TNNI3K: variants seen among roughly 807,000 people sequenced by gnomAD.
The protein encoded by TNNI3K is TNNI3 interacting kinase, also known as serine/threonine-protein kinase TNNI3K.
In TNNI3K, 140 loss-of-function variants were observed where a neutral mutation model predicts 114.5. That is an observed-to-expected ratio of 1.22 (90% CI 1.07 to 1.41). The LOEUF is 1.41. TNNI3K is among the 40% of genes most tolerant of loss of function. TNNI3K has a pLI of 0.00. For missense variants in TNNI3K, 1,125 were observed against 1,007.6 expected (o/e 1.12, Z -1.58); for synonymous variants, 347 against 347.5 (o/e 1.00, Z 0.02).
intron 2 of TNNI3K, among the ~76,000 whole-genome samples, chr1:74,248,492 C>T (rs543339273): frequency 1.9e-4 from 29 of 152,314 alleles, no homozygotes; most frequent in Admixed American, 8.5e-4. Flanking sequence ...TAAGATTAAG[C>T]GCTTACTACA....
intron 23 of TNNI3K, among the ~76,000 whole-genome samples, chr1:74,512,236 A>G (rs1670265164): frequency 6.6e-6 from 1 of 152,200 alleles, no homozygotes; most frequent in African/African-American, 2.4e-5. Flanking sequence ...AGACTCAAAC[A>G]TGGAGCTAGG....
chr1:74,366,384 AT>A (rs573370636), intron 11 of TNNI3K, among the ~76,000 whole-genome samples: 1 of 151,980 alleles, frequency 6.6e-6, no homozygotes, highest in East Asian at 1.9e-4. Flanking sequence ...ATCATTTGGC[AT>A]TTTTTATCCT....
chr1:74,538,144 T>C (rs545538396), intron 23 of TNNI3K, among the ~76,000 whole-genome samples: 20 of 152,226 alleles, frequency 1.3e-4, no homozygotes, highest in African/African-American at 4.6e-4. Flanking sequence ...GCCATAGTCA[T>C]AGAGAAAAGA....
intron 24 of TNNI3K, among the ~76,000 whole-genome samples, chr1:74,541,897 C>A (rs1257235950): frequency 6.6e-6 from 1 of 152,164 alleles, no homozygotes; most frequent in East Asian, 1.9e-4. Flanking sequence ...CGCAATATAA[C>A]AACAATTTTA....
intron 21 of TNNI3K, chr1:74,471,609 C>T (rs1667935559): frequency 5.0e-6 from 2 of 400,562 alleles, no homozygotes; most frequent in African/African-American, 4.1e-5. Flanking sequence ...CCAACTTAGT[C>T]AGTTGGTTAC....
intron 5 of TNNI3K, among the ~76,000 whole-genome samples, chr1:74,319,576 C>G (rs1222862854): frequency 6.6e-6 from 1 of 152,156 alleles, no homozygotes; most frequent in African/African-American, 2.4e-5. Flanking sequence ...GGAAACTTAG[C>G]ATGATGCTAT....
intron 9 of TNNI3K, among the ~76,000 whole-genome samples, chr1:74,350,183 G>A (rs1355735835): frequency 4.6e-5 from 7 of 151,996 alleles, no homozygotes; most frequent in African/African-American, 9.7e-5. Flanking sequence ...CTTTGTTCTC[G>A]TTGGTTTCAA....
intron 5 of TNNI3K, among the ~76,000 whole-genome samples, chr1:74,285,895 C>T (rs966684968): frequency 2.6e-5 from 4 of 152,124 alleles, no homozygotes. Flanking sequence ...TAAAAAGTAT[C>T]ACAGCCTTAA....
At chr1:74,471,644 G>T in intron 21 of TNNI3K, 1 of 400,692 alleles carries the variant, frequency 2.5e-6, no homozygotes, top group Non-Finnish European at 4.4e-6. Flanking sequence ...CGTTTCCAAG[G>T]GGTTGATATT....
intron 23 of TNNI3K, among the ~76,000 whole-genome samples, chr1:74,533,175 G>A (rs1485854347): frequency 6.6e-6 from 1 of 152,070 alleles, no homozygotes; most frequent in Non-Finnish European, 1.5e-5. Context: ...ATCTGACAAA[G>A]GGCTAATATC....
At chr1:74,311,079 G>T (rs1265607981) in intron 5 of TNNI3K, among the ~76,000 whole-genome samples, 1 of 152,062 alleles carries the variant, frequency 6.6e-6, no homozygotes, top group Non-Finnish European at 1.5e-5. Flanking sequence ...GCTTGTTGTT[G>T]AATAGATTCA....
rs527332861 is a variant in TNNI3K at position 74,500,430 on chromosome 1, C to T, written c.2351+8164C>T. ...TCCCGGCTAAAAAACGGTGAAACCCCGTCTCTACTAAAAATACAAAAAAAT... is the reference window on the plus strand; with the variant it reads ...TCCCGGCTAAAAAACGGTGAAACCCTGTCTCTACTAAAAATACAAAAAAAT... On this transcript the variant is annotated intron_variant, in intron 23 of 24. Coordinates refer to ENST00000326637, the MANE Select transcript of TNNI3K (RefSeq NM_015978.3). Among the ~76,000 whole-genome samples, 283 of 151,186 alleles carry T rather than the reference C, an allele frequency of 1.9e-3. 10 individuals carry two copies. In the South Asian group the frequency reaches 0.056, roughly 30 times the overall value.
intron 5 of TNNI3K, among the ~76,000 whole-genome samples, chr1:74,284,888 C>CCA (rs1657233016): frequency 6.6e-6 from 1 of 151,854 alleles, no homozygotes; most frequent in African/African-American, 2.4e-5. Flanking sequence ...CTGCAGATCT[C>CCA]CACATCTGGG....
intron 2 of TNNI3K, among the ~76,000 whole-genome samples, chr1:74,244,905 G>C (rs1358267607): frequency 1.3e-5 from 2 of 151,802 alleles, no homozygotes; most frequent in Non-Finnish European, 2.9e-5. Flanking sequence ...TTCATTCTTT[G>C]AGTCTCTCCA....
intron 17 of TNNI3K, among the ~76,000 whole-genome samples, chr1:74,405,374 A>G (rs1434260683): frequency 2.0e-5 from 3 of 152,236 alleles, no homozygotes; most frequent in African/African-American, 7.2e-5. Context: ...TTTTGGAACT[A>G]TGAGGAGTCA....
chr1:74,474,292 T>G (rs890309078), intron 21 of TNNI3K, among the ~76,000 whole-genome samples: 2 of 152,164 alleles, frequency 1.3e-5, no homozygotes, highest in African/African-American at 4.8e-5. Flanking sequence ...CAGTCTGACC[T>G]GGTTTCTATG....
At chr1:74,356,015 C>T (rs191579010) in intron 11 of TNNI3K, among the ~76,000 whole-genome samples, 67 of 152,260 alleles carry the variant, frequency 4.4e-4, no homozygotes, top group African/African-American at 1.6e-3. Flanking sequence ...AACAAGTCCC[C>T]TAAAAGCCCC....
chr1:74,475,295 C>G, intron 21 of TNNI3K: 1 of 645,264 alleles, frequency 1.5e-6, no homozygotes, highest in South Asian at 1.8e-5. Context: ...ACAAACTCAC[C>G]TTCTGTTCTT....
At chr1:74,462,385 T>C (rs1446752432) in intron 20 of TNNI3K, among the ~76,000 whole-genome samples, 1 of 152,180 alleles carries the variant, frequency 6.6e-6, no homozygotes, top group Non-Finnish European at 1.5e-5. Context: ...GCAGCAGCAA[T>C]GTCCTGGAAC....
Sources: allele counts gnomAD v4.1 joint callset (sites outside exome capture counted in the v4.1 genomes callset), GRCh38; gene constraint gnomAD v4.1.1; transcripts MANE v1.5; gene names NCBI Gene and HGNC (gene_info 2026-07-23, HGNC 2026-07-21).